The following PRRC2C variants were observed in gnomAD, a reference collection of about 807,000 sequenced individuals.
PRRC2C encodes the protein protein PRRC2C.
Under a neutral mutation model 317.2 loss-of-function variants are expected in PRRC2C, and 72 were observed. The ratio of observed to expected loss-of-function variants is 0.23; its 90% confidence interval spans 0.19 to 0.28. PRRC2C has a LOEUF of 0.28. Among genes scored for constraint, PRRC2C ranks in the 10% least tolerant of loss-of-function variants. The probability of loss-of-function intolerance (pLI) is 1.00; values close to 1 mark genes in which losing one functional copy is unlikely to be tolerated. For synonymous variants in PRRC2C, 1,296 were observed against 1,205.9 expected, an observed-to-expected ratio of 1.07 and a Z score of -1.55; for missense variants, 3,074 against 3,459.7, an observed-to-expected ratio of 0.89 and a Z score of 2.80.
At chr1:171,524,764 G>T (rs1674260174) in intron 9 of PRRC2C, 57 bp from the exon 10 acceptor site, 5 of 1,454,732 alleles carry the variant, frequency 3.4e-6, no homozygotes, top group Middle Eastern at 3.8e-4. Context: ...CAAAAATAAT[G>T]TGTGTACTTA....
chr1:171,545,396 G>T (rs2102531567), intron 16 of PRRC2C, 83 bp from the exon 17 acceptor site: 1 of 1,161,898 alleles, frequency 8.6e-7, no homozygotes, highest in South Asian at 1.5e-5. Flanking sequence ...ATCTTAGAAT[G>T]AACTTTAGAA....
At position 171,566,352 on chromosome 1, in the gene PRRC2C, T is replaced by C; in HGVS notation, c.6237T>C (p.Ala2079=). 1 of 1,598,796 alleles carries C rather than the reference T, an allele frequency of 6.3e-7. No homozygotes were observed. The highest frequency in any genetic ancestry group is 1.1e-5 in the South Asian group (1 of 88,214). Residue 2079 remains alanine (A), a synonymous_variant, in exon 21 of 35, where the codon GCT becomes GCC. Transcript: ENST00000647382. ...EVVPVLSEKS[A]DKIPEPKEQR... ...TTCCTGTGCTTTCGGAAAAATCTGC[T>C]GACAAAATACCTGAACCTAAAGAAC... is the stretch of plus-strand genomic sequence containing the variant.
intron 1 of PRRC2C, among the ~76,000 whole-genome samples, chr1:171,500,268 G>A (rs535132530): frequency 3.3e-5 from 5 of 152,214 alleles, no homozygotes; most frequent in African/African-American, 1.2e-4. Flanking sequence ...CTTAAAATAA[G>A]GTTTTCAGTA....
In PRRC2C at chr1:171,557,847, C is replaced by A; in HGVS notation, c.5735C>A (p.Ser1912Ter). 1 of 1,540,422 alleles carries A rather than the reference C, an allele frequency of 6.5e-7. No homozygotes were observed. ...ASVPLAPASA[S>*]APAPAPTPVS... The stretch of plus-strand genomic sequence containing the variant: ...GTCCCACTTGCCCCTGCCTCAGCTT[C>A]AGCCCCAGCCCCAGCCCCTACCCCA... Residue 1912 changes from serine to a stop codon, truncating the protein, a stop_gained, in exon 19 of 35, where the codon TCA becomes TAA. Coordinates refer to ENST00000647382, the MANE Select transcript of PRRC2C (RefSeq NM_001387844.1). LOFTEE classifies it high-confidence loss of function.
intron 1 of PRRC2C, among the ~76,000 whole-genome samples, chr1:171,495,805 C>T (rs1333261996): frequency 6.6e-6 from 1 of 152,140 alleles, no homozygotes; most frequent in Non-Finnish European, 1.5e-5. Flanking sequence ...TCAGTCTCCC[C>T]TCATCATAGT....
chr1:171,541,585 G>A lies in PRRC2C; in HGVS notation c.4119G>A (p.Arg1373=), dbSNP rs1038539997. 6.2e-7 allele frequency: 1 copy of A among 1,613,616 alleles called. No individual in the cohort carries two copies. Among genetic ancestry groups the A allele is most frequent in the Non-Finnish European group, 8.5e-7 (1 of 1,179,862 alleles). Residue 1373 remains arginine, a synonymous_variant, in exon 16 of 35, where the codon CGG becomes CGA. Coordinates refer to ENST00000647382, the MANE Select transcript of PRRC2C (RefSeq NM_001387844.1). The surrounding 1 kb of genome is among the most constrained non-coding windows in gnomAD (Gnocchi z 4.1). Reference sequence around the variant, plus strand: ...CCACTTTACGAAGACCAGCTTATCGGGACAATCAGTGGAACCCAAGGCAGT... The same window carrying A: ...CCACTTTACGAAGACCAGCTTATCGAGACAATCAGTGGAACCCAAGGCAGT... The part of the protein sequence containing the change: ...RPSTLRRPAY[R]DNQWNPRQSE...
rs141493774 is a variant in PRRC2C at position 171,540,656 on chromosome 1, C to T, written c.3190C>T (p.Pro1064Ser). ...GGAAAAGAAGGATCTTCCTCCTCCCCCACCACCACCTCAGCCACCAGCACC... is the reference window on the plus strand; with the variant it reads ...GGAAAAGAAGGATCTTCCTCCTCCCTCACCACCACCTCAGCCACCAGCACC... ...KTEKKDLPPP[P>S]PPPQPPAPIQ... is the part of the protein sequence containing the mutation. Residue 1064 changes from proline (P) to serine (S), a missense_variant, in exon 16 of 35, where the codon CCA (proline) becomes TCA (serine). Physicochemically the swap from Pro to Ser is moderately conservative, Grantham distance 74. Coordinates refer to ENST00000647382, the MANE Select transcript of PRRC2C (RefSeq NM_001387844.1). 43 of 1,613,760 alleles carry T rather than the reference C, an allele frequency of 2.7e-5. No individual in the cohort carries two copies. The highest frequency in any genetic ancestry group is 3.4e-5 in the Non-Finnish European group (40 of 1,179,854).
At chr1:171,550,044 T>C in intron 17 of PRRC2C, 42 bp from the exon 18 acceptor site, 1 of 1,491,764 alleles carries the variant, frequency 6.7e-7, no homozygotes, top group Non-Finnish European at 8.9e-7. Flanking sequence ...AATTTTCATT[T>C]GAAAAACAGA....
chr1:171,587,544 C>T, intron 31 of PRRC2C, 104 bp from the exon 32 acceptor site: 5 of 776,758 alleles, frequency 6.4e-6, no homozygotes, highest in Non-Finnish European at 1.0e-5. Context: ...TACTAAGGTT[C>T]TTTGCCCTTT....
chr1:171,561,692 CAG>C (rs1284146750), intron 20 of PRRC2C, among the ~76,000 whole-genome samples: 1 of 152,148 alleles, frequency 6.6e-6, no homozygotes, highest in Non-Finnish European at 1.5e-5. Flanking sequence ...CTTAATGAAA[CAG>C]AAAATAAAAG....
At chr1:171,505,989 G>A in intron 1 of PRRC2C, among the ~76,000 whole-genome samples, 1 of 152,166 alleles carries the variant, frequency 6.6e-6, no homozygotes. Flanking sequence ...AAGCCTAGGA[G>A]CAATAGACTA....
At chr1:171,569,071 A>G (rs1217883283) in intron 23 of PRRC2C, among the ~76,000 whole-genome samples, 1 of 152,182 alleles carries the variant, frequency 6.6e-6, no homozygotes. Context: ...ATAGTTATAC[A>G]GTGTCATTTA....
intron 23 of PRRC2C, among the ~76,000 whole-genome samples, chr1:171,568,724 T>C (rs970951408): frequency 1.3e-5 from 2 of 152,192 alleles, no homozygotes; most frequent in South Asian, 2.1e-4. Context: ...ACCCAACTTA[T>C]TTAAGATAAC....
At position 171,512,327 on chromosome 1, in the gene PRRC2C, A is replaced by T. The variant is rs1414541515; in HGVS notation, c.112+127A>T. ...CAATGCTATTTACATTTGCGTTTTT[A>T]TGCATGCACACATTTTTCAGAGGAT... is the stretch of plus-strand genomic sequence containing the variant. On this transcript the variant is annotated intron_variant, in intron 2 of 34. Coordinates refer to ENST00000647382, the MANE Select transcript of PRRC2C (RefSeq NM_001387844.1). The T allele has an allele frequency of 5.9e-6, 4 of 676,318 alleles. No homozygotes were observed. The Admixed American group carries it at 8.4e-5, about 14-fold the overall frequency. The allele number at this position is 676,318 out of a possible 1,614,324, so 41.9% of individuals were successfully genotyped here.
At chr1:171,508,657 CT>C (rs998672730) in intron 1 of PRRC2C, among the ~76,000 whole-genome samples, 3 of 152,128 alleles carry the variant, frequency 2.0e-5, no homozygotes, top group African/African-American at 7.2e-5. Flanking sequence ...CTTTGTGTTC[CT>C]TCATAAGAAT....
intron 3 of PRRC2C, 95 bp downstream of exon 3, chr1:171,513,267 T>A: frequency 8.1e-7 from 1 of 1,232,384 alleles, no homozygotes; most frequent in Non-Finnish European, 1.1e-6. Context: ...TTATGCTGTC[T>A]GTATTACATA....
At chr1:171,566,485 A>G (rs1019222346) in intron 21 of PRRC2C, 64 bp downstream of exon 21, 17 of 1,489,430 alleles carry the variant, frequency 1.1e-5, no homozygotes, top group Non-Finnish European at 1.5e-5. Flanking sequence ...AGCAAATAAT[A>G]CTTTTAAAAG....
chr1:171,490,216 C>T (rs924297961), intron 1 of PRRC2C, among the ~76,000 whole-genome samples: 3 of 152,194 alleles, frequency 2.0e-5, no homozygotes, highest in Non-Finnish European at 2.9e-5. Flanking sequence ...TGCATCCTGC[C>T]GTTTAAAAGG....
At position 171,547,902 on chromosome 1, in the gene PRRC2C, C is replaced by T. The variant is rs373333093; in HGVS notation, c.4973-2184C>T. On this transcript the variant is annotated intron_variant, in intron 17 of 34. Coordinates refer to ENST00000647382, the MANE Select transcript of PRRC2C (RefSeq NM_001387844.1). ...TCCTGACTTCAAGTGATCCGCCCAC[C>T]TTGGCCTCCCAAAGTGCTGGGATTA... 3.3e-5 allele frequency among the ~76,000 whole-genome samples: 5 copies of T among 152,246 alleles called. No homozygotes were observed. The East Asian group carries it at 9.7e-4, about 29-fold the overall frequency.
Sources: allele counts gnomAD v4.1 joint callset (sites outside exome capture counted in the v4.1 genomes callset), GRCh38; gene constraint gnomAD v4.1.1; non-coding constraint Gnocchi (gnomAD v3.1); transcripts MANE v1.5; gene names NCBI Gene and HGNC (gene_info 2026-07-23, HGNC 2026-07-21).